The following CES5A variants were observed in gnomAD, a reference collection of about 807,000 sequenced individuals.
CES5A encodes the protein carboxylesterase 5A.
Under a neutral mutation model 62.9 loss-of-function variants are expected in CES5A, and 67 were observed. The observed-to-expected ratio is 1.07, with a 90% CI of 0.88 to 1.31. The LOEUF (loss-of-function observed/expected upper bound fraction) is 1.31, where lower values mean the gene tolerates loss of function less well. Among genes scored for constraint, CES5A ranks in the 50% most tolerant of loss-of-function variants. CES5A has a pLI of 0.00. For synonymous variants in CES5A, 296 were observed against 280.8 expected, an observed-to-expected ratio of 1.05 and a Z score of -0.54; for missense variants, 748 against 708.5, an observed-to-expected ratio of 1.06 and a Z score of -0.63.
At chr16:55,878,751 C>T (rs181238531), upstream of CES5A, among the ~76,000 whole-genome samples, 1 of 150,142 alleles carries the variant, frequency 6.7e-6, no homozygotes, top group East Asian at 2.0e-4. Context: ...ACCACTGCAT[C>T]TCACCACTGA....
chr16:55,863,830 C>T (rs1398120290), intron 5 of CES5A, among the ~76,000 whole-genome samples: 1 of 151,156 alleles, frequency 6.6e-6, no homozygotes, highest in East Asian at 1.9e-4. Context: ...GATCTCACCT[C>T]ACTGCAACCT....
chr16:55,915,651 T>C (rs1341595258), intron 1 of CES5A, among the ~76,000 whole-genome samples: 1 of 152,122 alleles, frequency 6.6e-6, no homozygotes, highest in Non-Finnish European at 1.5e-5. Flanking sequence ...CAGGAAGTCT[T>C]CATTCACTCC....
intron 1 of CES5A, among the ~76,000 whole-genome samples, chr16:55,952,545 TG>T (rs2034568797): frequency 6.6e-6 from 1 of 151,884 alleles, no homozygotes; most frequent in African/African-American, 2.4e-5. Context: ...GAGAATAGAG[TG>T]AGTAATGGTC....
rs1432659212 is a variant in CES5A, at chr16:55,861,515, A to C, written c.812T>G (p.Leu271Arg). 2.5e-6 allele frequency: 4 copies of C among 1,608,040 alleles called. No homozygotes were observed. Among genetic ancestry groups the C allele is most frequent in the Non-Finnish European group, 3.4e-6 (4 of 1,174,506 alleles). ...EAHDYEKSED[L>R]QVVAHFCGNN... Reference sequence around the variant, plus strand: ...ACCACAGAAATGTGCAACCACCTGCAGCTATTTTGTAGAGAAGGACCGGGT... The same window carrying C: ...ACCACAGAAATGTGCAACCACCTGCCGCTATTTTGTAGAGAAGGACCGGGT... Residue 271 changes from leucine to arginine, a missense_variant and splice_region_variant, in exon 7 of 13, where the codon CTG (leucine) becomes CGG (arginine). Leu to Arg is a moderately radical substitution (Grantham distance 102). Coordinates refer to ENST00000290567, the MANE Select transcript of CES5A (RefSeq NM_001143685.2).
chr16:55,882,686 CCTT>C (rs1291865118), intron 1 of CES5A, among the ~76,000 whole-genome samples: 1 of 152,210 alleles, frequency 6.6e-6, no homozygotes, highest in African/African-American at 2.4e-5. Context: ...GACTTTGCCT[CCTT>C]CTTTTTAGCA....
At chr16:55,874,149 C>T (rs1157594329) in intron 1 of CES5A, 112 bp from the exon 2 acceptor site, 5 of 933,486 alleles carry the variant, frequency 5.4e-6, no homozygotes, top group East Asian at 2.7e-5. Context: ...AGAAGTTGTG[C>T]AGCTGGTGGT....
At chr16:55,927,898 TA>T (rs1331720374), upstream of CES5A, among the ~76,000 whole-genome samples, 2 of 152,128 alleles carry the variant, frequency 1.3e-5, no homozygotes, top group Admixed American at 6.5e-5. Context: ...GACAAGTGGA[TA>T]AAAAAATATG....
At chr16:55,872,501 A>C (rs1188988675) in intron 2 of CES5A, among the ~76,000 whole-genome samples, 1 of 152,186 alleles carries the variant, frequency 6.6e-6, no homozygotes, top group Non-Finnish European at 1.5e-5. Flanking sequence ...CTAAAAGCCT[A>C]AGACTCTGTT....
At position 55,849,710 on chromosome 16, in the gene CES5A, T is replaced by TTCGTG. The variant is rs765762405; in HGVS notation, c.1332_1336dup (p.Lys446ThrfsTer24). 60 of 1,613,988 alleles carry TTCGTG rather than the reference T, an allele frequency of 3.7e-5. No homozygotes were observed. Among genetic ancestry groups the TTCGTG allele is most frequent in the Non-Finnish European group, 4.6e-5 (54 of 1,179,880 alleles). ...GTGGTCGGCTTTGACAAAAGCTGGC[T>TTCGTG]TCGTGTCTTCAAAGCACTGAGGCCG... On this transcript the variant is annotated frameshift_variant, in exon 11 of 13. Transcript: ENST00000290567. LOFTEE classifies it high-confidence loss of function.
intron 4 of CES5A, among the ~76,000 whole-genome samples, chr16:55,866,713 C>T (rs1405125798): frequency 1.3e-5 from 2 of 149,602 alleles, no homozygotes; most frequent in African/African-American, 4.9e-5. Flanking sequence ...TGGCAGGCGC[C>T]TGTAGTCCCA....
chr16:55,911,101 C>T (rs1243559350), intron 1 of CES5A, among the ~76,000 whole-genome samples: 2 of 152,176 alleles, frequency 1.3e-5, no homozygotes, highest in African/African-American at 4.8e-5. Flanking sequence ...TCACTCAGTC[C>T]TCTTTTTAGT....
rs776865733 is a variant in CES5A at position 55,869,560 on chromosome 16, G to A, written c.551+51C>T. On this transcript the variant is annotated intron_variant, in intron 4 of 12. Transcript: ENST00000290567. Reference sequence around the variant, plus strand: ...TTGCTGGGCACTGTCTATGGCTACTGCACTGCTGCCCTTTGGGGATCTGGG... The same window carrying A: ...TTGCTGGGCACTGTCTATGGCTACTACACTGCTGCCCTTTGGGGATCTGGG... 9.4e-6 allele frequency: 15 copies of A among 1,598,608 alleles called. No individual in the cohort carries two copies. In the East Asian group the frequency reaches 3.4e-4, roughly 36 times the overall value.
intron 1 of CES5A, among the ~76,000 whole-genome samples, chr16:55,911,555 G>A (rs2034093054): frequency 6.6e-6 from 1 of 152,158 alleles, no homozygotes; most frequent in East Asian, 1.9e-4. Context: ...TACTACTACT[G>A]TTTGCAGATA....
intron 1 of CES5A, among the ~76,000 whole-genome samples, chr16:55,904,069 C>T (rs528008266): frequency 6.6e-6 from 1 of 152,148 alleles, no homozygotes; most frequent in Admixed American, 6.5e-5. Flanking sequence ...AACAACACAG[C>T]CCCTGCTAAA....
chr16:55,939,038 A>G (rs1053281104), intron 2 of CES5A, among the ~76,000 whole-genome samples: 1 of 151,748 alleles, frequency 6.6e-6, no homozygotes, highest in Non-Finnish European at 1.5e-5. Flanking sequence ...TGCTTTGGCA[A>G]GCTGATTAGG....
chr16:55,861,154 T>C (rs1157593206), intron 7 of CES5A, among the ~76,000 whole-genome samples: 1 of 152,238 alleles, frequency 6.6e-6, no homozygotes, highest in Non-Finnish European at 1.5e-5. Flanking sequence ...TCCAGTGAGA[T>C]GCTTTCAGGG....
intron 1 of CES5A, among the ~76,000 whole-genome samples, chr16:55,909,060 A>G (rs371870733): frequency 1.1e-4 from 17 of 152,334 alleles, no homozygotes; most frequent in African/African-American, 3.8e-4. Context: ...AGACATGAGG[A>G]GTGGAGAGAA....
chr16:55,948,372 C>T (rs150446365), intron 2 of CES5A, among the ~76,000 whole-genome samples: 53 of 152,240 alleles, frequency 3.5e-4, no homozygotes, highest in African/African-American at 1.2e-3. Context: ...ATTATGCATC[C>T]GTCTCACGCT....
chr16:55,850,658 A>G (rs1585144), intron 10 of CES5A, among the ~76,000 whole-genome samples: 127,869 of 152,238 alleles, frequency 0.84, 53,714 homozygotes, highest in East Asian at 0.89. Context: ...AACCATTTTG[A>G]CCTATAATGA....
Sources: gnomAD v4.1 joint callset for allele counts (sites outside exome capture counted in the v4.1 genomes callset) on GRCh38, gnomAD v4.1.1 for gene constraint, MANE v1.5 for transcripts, NCBI Gene and HGNC (gene_info 2026-07-23, HGNC 2026-07-21) for gene names.